Variants in MAGI2 observed in about 807,000 individuals in gnomAD.
MAGI2 encodes membrane-associated guanylate kinase, WW and PDZ domain-containing protein 2.
MAGI2 carries 35 observed loss-of-function variants against 133.3 expected under a neutral mutation model. That is an observed-to-expected ratio of 0.26 (90% CI 0.20 to 0.35). The LOEUF (loss-of-function observed/expected upper bound fraction) is 0.35. Ranked by LOEUF, MAGI2 falls within the 10% of genes least tolerant of loss-of-function variation. The pLI is 1.00. For missense variants in MAGI2, 1,636 were observed against 1,863.4 expected, an observed-to-expected ratio of 0.88 and a Z score of 2.25; for synonymous variants, 729 against 710.6, an observed-to-expected ratio of 1.03 and a Z score of -0.41.
At chr7:78,507,130 T>C (rs954374042) in intron 4 of MAGI2, among the ~76,000 whole-genome samples, 1 of 152,196 alleles carries the variant, frequency 6.6e-6, no homozygotes, top group African/African-American at 2.4e-5. Flanking sequence ...TAGACCTTTT[T>C]ATCAGGCTGC....
At chr7:79,399,061 A>T (rs1301128890) in intron 1 of MAGI2, among the ~76,000 whole-genome samples, 1 of 137,326 alleles carries the variant, frequency 7.3e-6, no homozygotes, top group Non-Finnish European at 1.5e-5. Flanking sequence ...TGACATCTTC[A>T]ATTCACTAGT....
At chr7:79,001,449 G>A (rs1407564752) in intron 2 of MAGI2, among the ~76,000 whole-genome samples, 1 of 151,988 alleles carries the variant, frequency 6.6e-6, no homozygotes. Context: ...CACATTCTTT[G>A]GTATAATGGA....
intron 20 of MAGI2, among the ~76,000 whole-genome samples, chr7:78,110,332 C>T (rs1268135651): frequency 1.3e-5 from 2 of 152,086 alleles, no homozygotes; most frequent in African/African-American, 2.4e-5. Flanking sequence ...ATCCTAAAGA[C>T]CAGGGGTATA....
intron 6 of MAGI2, among the ~76,000 whole-genome samples, chr7:78,424,209 G>A (rs1002329194): frequency 1.3e-5 from 2 of 152,196 alleles, no homozygotes; most frequent in African/African-American, 4.8e-5. Context: ...ATGACTAAAA[G>A]GGGCCAACGT....
intron 2 of MAGI2, among the ~76,000 whole-genome samples, chr7:78,713,516 A>T (rs1304113340): frequency 1.3e-5 from 2 of 152,314 alleles, no homozygotes; most frequent in East Asian, 3.9e-4. Context: ...CAAGGAATTC[A>T]TTGACAGACT....
At chr7:78,513,111 G>A (rs1795744564) in intron 4 of MAGI2, among the ~76,000 whole-genome samples, 1 of 151,960 alleles carries the variant, frequency 6.6e-6, no homozygotes, top group Non-Finnish European at 1.5e-5. Context: ...ACATTTCTTA[G>A]AGCTTGCCTT....
intron 2 of MAGI2, among the ~76,000 whole-genome samples, chr7:78,879,226 C>T (rs950030785): frequency 1.3e-5 from 2 of 152,200 alleles, no homozygotes; most frequent in South Asian, 4.1e-4. Flanking sequence ...CCTACTCTGG[C>T]CCCACCCATA....
At chr7:79,344,610 A>T (rs945202339) in intron 1 of MAGI2, among the ~76,000 whole-genome samples, 1 of 152,174 alleles carries the variant, frequency 6.6e-6, no homozygotes, top group Non-Finnish European at 1.5e-5. Context: ...TGTTCAGAAG[A>T]CAGTGAGTAC....
chr7:78,241,367 T>C (rs1000797997), intron 10 of MAGI2, among the ~76,000 whole-genome samples: 2 of 152,206 alleles, frequency 1.3e-5, no homozygotes, highest in Non-Finnish European at 2.9e-5. Flanking sequence ...TAAGTGTTGT[T>C]TGTGCATCAA....
intron 1 of MAGI2, among the ~76,000 whole-genome samples, chr7:79,361,953 ATAGTT>A (rs1024467627): frequency 6.6e-6 from 1 of 152,114 alleles, no homozygotes; most frequent in Admixed American, 6.6e-5. Context: ...ATAGCATCAA[ATAGTT>A]ACAGTTTATG....
chr7:78,806,247 T>C (rs921201800), intron 2 of MAGI2, among the ~76,000 whole-genome samples: 2 of 152,194 alleles, frequency 1.3e-5, no homozygotes, highest in East Asian at 3.9e-4. Flanking sequence ...GTTAATTTTC[T>C]TAATTTATTG....
intron 13 of MAGI2, among the ~76,000 whole-genome samples, chr7:78,184,999 C>T (rs1827551461): frequency 6.6e-6 from 1 of 152,146 alleles, no homozygotes; most frequent in African/African-American, 2.4e-5. Flanking sequence ...TTGAGACCTT[C>T]TAGCTTCTTA....
chr7:78,947,660 A>G (rs1434867487), intron 2 of MAGI2, among the ~76,000 whole-genome samples: 1 of 152,144 alleles, frequency 6.6e-6, no homozygotes, highest in Admixed American at 6.6e-5. Context: ...ATATTATTAA[A>G]TAGCACTTGG....
intron 1 of MAGI2, among the ~76,000 whole-genome samples, chr7:79,285,315 T>C (rs10234403): frequency 0.62 from 93,565 of 151,934 alleles, 30,170 homozygotes; most frequent in Non-Finnish European, 0.7. Flanking sequence ...TTTTTTAAAG[T>C]TTTTTCTGTC....
At chr7:78,437,266 T>C (rs1800386335) in intron 6 of MAGI2, among the ~76,000 whole-genome samples, 1 of 152,172 alleles carries the variant, frequency 6.6e-6, no homozygotes, top group East Asian at 1.9e-4. Context: ...ACAGGGCAGC[T>C]CACACGTGAG....
chr7:78,623,337 T>C (rs1004460038), intron 3 of MAGI2, among the ~76,000 whole-genome samples: 9 of 151,644 alleles, frequency 5.9e-5, no homozygotes, highest in African/African-American at 1.7e-4. Context: ...TATATTAAAA[T>C]GTGTGCAAAC....
chr7:78,198,834 G>A (rs1413654285), intron 11 of MAGI2, among the ~76,000 whole-genome samples: 2 of 152,168 alleles, frequency 1.3e-5, no homozygotes, highest in African/African-American at 2.4e-5. Context: ...GGAAGATGAT[G>A]GCATTTATCT....
chr7:78,192,637 T>C (rs1828345109), intron 12 of MAGI2, among the ~76,000 whole-genome samples: 1 of 151,704 alleles, frequency 6.6e-6, no homozygotes, highest in Non-Finnish European at 1.5e-5. Context: ...TAATCTTCAG[T>C]GGTAGAGCTT....
At chr7:78,446,788 C>T (rs141249824) in intron 6 of MAGI2, among the ~76,000 whole-genome samples, 107 of 152,174 alleles carry the variant, frequency 7.0e-4, no homozygotes, top group African/African-American at 1.9e-3. Context: ...AATGAAGCTT[C>T]AGCAATTTCA....
Sources: allele counts gnomAD v4.1 joint callset (sites outside exome capture counted in the v4.1 genomes callset), GRCh38; gene constraint gnomAD v4.1.1; transcripts MANE v1.5; gene names NCBI Gene and HGNC (gene_info 2026-07-23, HGNC 2026-07-21).